Variants in SPEF2 observed in about 807,000 individuals in gnomAD.
SPEF2 encodes the protein sperm flagella and cilia-associated protein 2.
A neutral mutation model predicts 224.6 loss-of-function variants in SPEF2; 187 were observed. The ratio of observed to expected loss-of-function variants is 0.83; its 90% confidence interval spans 0.74 to 0.94. The LOEUF (loss-of-function observed/expected upper bound fraction) is 0.94, where lower values mean the gene tolerates loss of function less well. Among genes scored for constraint, SPEF2 ranks in the 40% least tolerant of loss-of-function variants. The pLI, the probability that SPEF2 is intolerant of heterozygous loss-of-function variation, is 0.00. For missense variants in SPEF2, 2,170 were observed against 2,135.6 expected (o/e 1.02, Z -0.32); for synonymous variants, 715 against 707.3 (o/e 1.01, Z -0.17).
At chr5:35,712,190 T>TA (rs1210641919) in intron 19 of SPEF2, among the ~76,000 whole-genome samples, 1 of 152,152 alleles carries the variant, frequency 6.6e-6, no homozygotes, top group East Asian at 1.9e-4. Context: ...CATATCAAAA[T>TA]AATGTGGTTA....
intron 1 of SPEF2, among the ~76,000 whole-genome samples, chr5:35,625,353 T>C (rs1162410489): frequency 6.6e-6 from 1 of 152,226 alleles, no homozygotes. Context: ...ATTTTTCTGG[T>C]GACCTTTTTG....
At chr5:35,763,429 C>A in intron 25 of SPEF2, 93 bp from the exon 26 acceptor site, 1 of 1,179,224 alleles carries the variant, frequency 8.5e-7, no homozygotes. Context: ...GAGATTAAAC[C>A]AAGACAGTAA....
chr5:35,715,657 G>A (rs571387714), intron 20 of SPEF2, among the ~76,000 whole-genome samples: 2 of 151,950 alleles, frequency 1.3e-5, no homozygotes, highest in African/African-American at 4.8e-5. Context: ...CGTGGCTCAG[G>A]TTTAGTATCT....
intron 25 of SPEF2, among the ~76,000 whole-genome samples, chr5:35,762,738 G>C (rs574882263): frequency 6.6e-6 from 1 of 152,236 alleles, no homozygotes; most frequent in Admixed American, 6.5e-5. Context: ...GTCACAATAA[G>C]CATTCTACCT....
At chr5:35,802,020 G>A (rs1475268960) in intron 34 of SPEF2, among the ~76,000 whole-genome samples, 1 of 152,202 alleles carries the variant, frequency 6.6e-6, no homozygotes, top group Non-Finnish European at 1.5e-5. Context: ...TTGCTCTCCT[G>A]AAGGGACTCT....
intron 23 of SPEF2, among the ~76,000 whole-genome samples, chr5:35,745,173 C>G (rs1277203480): frequency 6.6e-6 from 1 of 152,172 alleles, no homozygotes; most frequent in Non-Finnish European, 1.5e-5. Flanking sequence ...ACTGGGAGCT[C>G]GCTGGGTGCC....
chr5:35,670,040 C>A lies in SPEF2; in HGVS notation c.1356-19C>A, dbSNP rs1196836717. ...TTGACTAACCATTGATTCATCTCTA[C>A]CTTTTTTTTGTGCGATAGTCTGATT... is the stretch of plus-strand genomic sequence containing the variant. On this transcript the variant is annotated intron_variant, in intron 9 of 36. Coordinates refer to ENST00000356031, the MANE Select transcript of SPEF2 (RefSeq NM_024867.4). 1 of 1,575,350 alleles carries A rather than the reference C, an allele frequency of 6.3e-7. No individual in the cohort carries two copies. The highest frequency in any genetic ancestry group is 8.6e-7 in the Non-Finnish European group (1 of 1,164,354).
chr5:35,652,243 T>C (rs1748296338), intron 6 of SPEF2, among the ~76,000 whole-genome samples: 1 of 152,034 alleles, frequency 6.6e-6, no homozygotes, highest in African/African-American at 2.4e-5. Context: ...AACAGATGGA[T>C]GGGTTGACTA....
chr5:35,801,040 C>G (rs1482917708), intron 34 of SPEF2, among the ~76,000 whole-genome samples: 2 of 152,164 alleles, frequency 1.3e-5, no homozygotes, highest in Admixed American at 1.3e-4. Context: ...ACAGAAAGAT[C>G]TCCTTCCCAT....
At chr5:35,658,632 G>C (rs571034573) in intron 7 of SPEF2, among the ~76,000 whole-genome samples, 78 of 151,770 alleles carry the variant, frequency 5.1e-4, no homozygotes, top group African/African-American at 1.7e-3. Context: ...GTGCAGGTTT[G>C]TTATATAGGT....
chr5:35,694,378 C>T lies in SPEF2; in HGVS notation c.1975+15C>T, dbSNP rs765514030. 6.3e-7 allele frequency: 1 copy of T among 1,592,852 alleles called. No homozygotes were observed. Among genetic ancestry groups the T allele is most frequent in the East Asian group, 2.3e-5 (1 of 43,852 alleles). On this transcript the variant is annotated intron_variant, in intron 13 of 36. Transcript: ENST00000356031. ...AACAATGCTTAGTAAGATCTCAAAA[C>T]AAATCATCTATTATTTACATTAGAG...
intron 14 of SPEF2, among the ~76,000 whole-genome samples, 183 bp from the exon 15 acceptor site, chr5:35,697,507 C>G (rs540883430): frequency 6.6e-6 from 1 of 152,120 alleles, no homozygotes; most frequent in Admixed American, 6.5e-5. Context: ...GAGGGAGGCT[C>G]GAAGGAAGAG....
intron 26 of SPEF2, among the ~76,000 whole-genome samples, chr5:35,769,192 G>C (rs1296844038): frequency 6.6e-6 from 1 of 152,166 alleles, no homozygotes; most frequent in African/African-American, 2.4e-5. Context: ...TCATCACAAA[G>C]TTGTTTACAA....
At position 35,806,899 on chromosome 5, in the gene SPEF2, C is replaced by T; in HGVS notation, c.5203C>T (p.Gln1735Ter). The T allele has an allele frequency of 6.2e-7, 1 of 1,613,688 alleles. No individual in the cohort carries two copies. Among genetic ancestry groups the T allele is most frequent in the East Asian group, 2.2e-5 (1 of 44,880 alleles). Residue 1735 changes from glutamine (Q) to a stop codon, truncating the protein, a stop_gained, in exon 35 of 37, where the codon CAG becomes TAG. Transcript: ENST00000356031. LOFTEE classifies it high-confidence loss of function. Reference sequence around the variant, plus strand: ...AGTGTTCAAAGGGGGAAGTGAAGCACAGGACTCCAATAGATTTGCCAGCCA... The same window carrying T: ...AGTGTTCAAAGGGGGAAGTGAAGCATAGGACTCCAATAGATTTGCCAGCCA... ...LKVFKGGSEAQDSNRFASHLK... is the reference protein window; with the variant it reads ...LKVFKGGSEA
chr5:35,666,541 G>T (rs912350536), intron 8 of SPEF2, among the ~76,000 whole-genome samples: 2 of 152,134 alleles, frequency 1.3e-5, no homozygotes, highest in African/African-American at 4.8e-5. Context: ...ACATTTGTTG[G>T]CAAATGTGTT....
intron 26 of SPEF2, among the ~76,000 whole-genome samples, chr5:35,766,173 C>G (rs1292192630): frequency 6.6e-6 from 1 of 151,984 alleles, no homozygotes; most frequent in African/African-American, 2.4e-5. Context: ...TATATTTCCT[C>G]TCTATACTTT....
At chr5:35,807,694 T>C in intron 36 of SPEF2, 5 of 1,536,088 alleles carry the variant, frequency 3.3e-6, no homozygotes, top group Non-Finnish European at 4.4e-6. Flanking sequence ...TGGGCACCAC[T>C]TCCATCAGGA....
At chr5:35,644,620 C>A in intron 4 of SPEF2, 95 bp downstream of exon 4, 1 of 905,126 alleles carries the variant, frequency 1.1e-6, no homozygotes, top group Non-Finnish European at 1.6e-6. Flanking sequence ...AGTAGTGGAG[C>A]ACAAGTTGCA....
intron 10 of SPEF2, among the ~76,000 whole-genome samples, chr5:35,683,141 C>T (rs1228847542): frequency 6.6e-6 from 1 of 152,166 alleles, no homozygotes; most frequent in Non-Finnish European, 1.5e-5. Context: ...AGAATCAGAA[C>T]TCCAGGTCAC....
Sources: allele counts gnomAD v4.1 joint callset (sites outside exome capture counted in the v4.1 genomes callset), GRCh38; gene constraint gnomAD v4.1.1; transcripts MANE v1.5; gene names NCBI Gene and HGNC (gene_info 2026-07-23, HGNC 2026-07-21).